KIF2C: variants seen among roughly 807,000 people sequenced by gnomAD.
KIF2C encodes the protein kinesin family member 2C.
Under a neutral mutation model 97.4 loss-of-function variants are expected in KIF2C, and 34 were observed. The ratio of observed to expected loss-of-function variants is 0.35; its 90% CI spans 0.27 to 0.46. The LOEUF (loss-of-function observed/expected upper bound fraction) is 0.46, where lower values mean the gene tolerates loss of function less well. KIF2C is among the 20% of genes least tolerant of loss of function. The probability of loss-of-function intolerance (pLI) is 1.00; values close to 1 mark genes in which losing one functional copy is unlikely to be tolerated. For missense variants in KIF2C, 750 were observed against 907.6 expected (o/e 0.83, Z 2.23); for synonymous variants, 313 against 318.2 (o/e 0.98, Z 0.17).
At chr1:44,741,438 A>G (rs1648932143) in intron 2 of KIF2C, among the ~76,000 whole-genome samples, 1 of 151,516 alleles carries the variant, frequency 6.6e-6, no homozygotes, top group African/African-American at 2.4e-5. Flanking sequence ...TAATCCCGAC[A>G]CTTTGAGAGG....
intron 1 of KIF2C, 57 bp downstream of exon 1, chr1:44,740,059 T>C (rs766664127): frequency 3.1e-6 from 5 of 1,591,668 alleles, no homozygotes; most frequent in Non-Finnish European, 4.3e-6. Context: ...CGACTGAAAT[T>C]ACTGCCCGTC....
At chr1:44,746,565 G>A in intron 2 of KIF2C, 1 of 1,363,648 alleles carries the variant, frequency 7.3e-7, no homozygotes, top group South Asian at 1.9e-5. Context: ...CTCCGTGTCA[G>A]CCATCAAGAG....
chr1:44,751,045 A>G (rs571036462), intron 5 of KIF2C, among the ~76,000 whole-genome samples: 1 of 152,298 alleles, frequency 6.6e-6, no homozygotes, highest in East Asian at 1.9e-4. Flanking sequence ...AACAGAACAC[A>G]CTCATGTAAC....
At chr1:44,755,636 A>C (rs961391641) in intron 8 of KIF2C, among the ~76,000 whole-genome samples, 1 of 152,226 alleles carries the variant, frequency 6.6e-6, no homozygotes, top group Non-Finnish European at 1.5e-5. Context: ...TGATCTTTAT[A>C]AACTGGGTTC....
chr1:44,743,949 T>C (rs767316408), intron 2 of KIF2C, among the ~76,000 whole-genome samples: 28 of 152,248 alleles, frequency 1.8e-4, no homozygotes, highest in Admixed American at 1.5e-3. Context: ...CCAGCTATTA[T>C]CAGTCTTTTG....
chr1:44,759,190 C>A lies in KIF2C; in HGVS notation c.1225-16C>A, dbSNP rs1289954458. On this transcript the variant is annotated splice_polypyrimidine_tract_variant and intron_variant, in intron 13 of 20. Transcript: ENST00000372224. ...GTGCCCAGTGGCCTTAGCCTCATTC[C>A]CCCTGCCTGGCACAGCTGTTTGACC... is the stretch of plus-strand genomic sequence containing the variant. The A allele has an allele frequency of 3.1e-6, 5 of 1,613,596 alleles. No individual in the cohort carries two copies. The highest frequency in any genetic ancestry group is 1.3e-5 in the African/African-American group (1 of 74,924).
chr1:44,759,713 C>T (rs762659101), intron 14 of KIF2C, among the ~76,000 whole-genome samples: 2 of 152,182 alleles, frequency 1.3e-5, no homozygotes, highest in African/African-American at 4.8e-5. Context: ...AAAAACAAGT[C>T]AAAGTGTTAC....
At position 44,750,539 on chromosome 1, in the gene KIF2C, C is replaced by T. The variant is rs747576414; in HGVS notation, c.414C>T (p.Asn138=). The T allele has an allele frequency of 1.1e-5, 18 of 1,584,526 alleles. No homozygotes were observed. The East Asian group carries it at 2.5e-4, about 22-fold the overall frequency. ...DMEVELPAAA[N]SRKQFSVPPA... The stretch of plus-strand genomic sequence containing the variant: ...AGGTGGAGCTGCCTGCAGCTGCAAA[C>T]TCCCGCAAGCAGTTTTCAGTTCCTC... The change falls in exon 5 of 21, where the codon AAC becomes AAT. Residue 138 remains asparagine, a synonymous_variant. Coordinates refer to ENST00000372224, the MANE Select transcript of KIF2C (RefSeq NM_006845.4).
At position 44,762,403 on chromosome 1, in the gene KIF2C, A is replaced by G. The variant is rs1259355669; in HGVS notation, c.1809A>G (p.Glu603=). Residue 603 remains glutamate (E), a synonymous_variant, in exon 18 of 21, where the codon GAA becomes GAG. Coordinates refer to ENST00000372224, the MANE Select transcript of KIF2C (RefSeq NM_006845.4). ...GPSGEQLIQM[E]TEEMEACSNG... ...GTGGAGAGCAGTTGATTCAAATGGA[A>G]ACAGAAGAGATGGAAGCCTGCTCTA... The G allele has an allele frequency of 6.2e-7, 1 of 1,614,030 alleles. No homozygotes were observed. The highest frequency in any genetic ancestry group is 8.5e-7 in the Non-Finnish European group (1 of 1,180,034).
chr1:44,755,200 C>T (rs1052794029), intron 8 of KIF2C, among the ~76,000 whole-genome samples: 8 of 152,126 alleles, frequency 5.3e-5, no homozygotes, highest in African/African-American at 1.2e-4. Context: ...TCAAGGAATC[C>T]GCCTACCTTG....
At chr1:44,763,783 C>G (rs1471315018) in intron 19 of KIF2C, among the ~76,000 whole-genome samples, 1 of 152,160 alleles carries the variant, frequency 6.6e-6, no homozygotes, top group Non-Finnish European at 1.5e-5. Flanking sequence ...TGCCTGTAAT[C>G]CCAACACGTT....
At chr1:44,740,839 G>A (rs948340742) in intron 1 of KIF2C, 74 bp from the exon 2 acceptor site, 5 of 778,852 alleles carry the variant, frequency 6.4e-6, no homozygotes, top group South Asian at 3.9e-5. Context: ...TCCACTTTGG[G>A]AATCTCTGTG....
At chr1:44,757,740 T>A in intron 11 of KIF2C, 94 bp downstream of exon 11, 1 of 1,102,498 alleles carries the variant, frequency 9.1e-7, no homozygotes, top group Non-Finnish European at 1.4e-6. Flanking sequence ...GAAAGGCCCC[T>A]TGTTACAGAT....
chr1:44,745,951 A>G (rs919982716), intron 2 of KIF2C, among the ~76,000 whole-genome samples: 2 of 151,320 alleles, frequency 1.3e-5, no homozygotes, highest in African/African-American at 4.9e-5. Flanking sequence ...ATCTCGGCTC[A>G]CTGCAAGCTC....
At chr1:44,764,290 C>T (rs894738235) in intron 19 of KIF2C, among the ~76,000 whole-genome samples, 1 of 150,830 alleles carries the variant, frequency 6.6e-6, no homozygotes, top group Admixed American at 6.7e-5. Flanking sequence ...ATTCTCCTTC[C>T]TCAGCCTCCT....
rs768773554 is a variant in KIF2C, at chr1:44,747,416, A to G, written c.198A>G (p.Pro66=). 4.3e-6 allele frequency: 7 copies of G among 1,611,262 alleles called. No individual in the cohort carries two copies. In the Admixed American group the frequency reaches 8.4e-5, roughly 19 times the overall value. ...TTGATGATGTGGCTGCAATAAACCC[A>G]GAACTCTTACAGCTTCTTCCCTTAC... ...IDFDDVAAIN[P]ELLQLLPLHP... Residue 66 remains proline, a synonymous_variant, in exon 3 of 21, where the codon CCA becomes CCG. Transcript: ENST00000372224.
intron 7 of KIF2C, 90 bp downstream of exon 7, chr1:44,753,923 G>A: frequency 2.4e-6 from 1 of 414,148 alleles, no homozygotes; most frequent in South Asian, 3.4e-5. Context: ...TTGGGCCCCA[G>A]CATTTCTGAG....
intron 17 of KIF2C, 121 bp downstream of exon 17, chr1:44,762,104 C>A: frequency 1.0e-6 from 1 of 982,318 alleles, no homozygotes; most frequent in Non-Finnish European, 1.6e-6. Context: ...TGACTCTGAA[C>A]CTGAGGCTTG....
chr1:44,766,330 G>A (rs1650462384), intron 19 of KIF2C, among the ~76,000 whole-genome samples: 1 of 152,150 alleles, frequency 6.6e-6, no homozygotes, highest in Admixed American at 6.6e-5. Flanking sequence ...TGGGATAGGA[G>A]GCCGGAAGTG....
Sources: allele counts gnomAD v4.1 joint callset (sites outside exome capture counted in the v4.1 genomes callset), GRCh38; gene constraint gnomAD v4.1.1; transcripts MANE v1.5; gene names NCBI Gene and HGNC (gene_info 2026-07-23, HGNC 2026-07-21).